SLC28A3: variants seen among roughly 807,000 people sequenced by gnomAD.
SLC28A3 encodes the protein solute carrier family 28 member 3, also known as concentrative Na(+)-nucleoside cotransporter 3.
SLC28A3 carries 68 observed loss-of-function variants against 84.2 expected under a neutral mutation model. The observed-to-expected ratio is 0.81, with a 90% CI of 0.66 to 0.99. The LOEUF (loss-of-function observed/expected upper bound fraction) is 0.99, where lower values mean the gene tolerates loss of function less well. Among genes scored for constraint, SLC28A3 ranks in the 50% least tolerant of loss-of-function variants. The pLI, the probability that SLC28A3 is intolerant of heterozygous loss-of-function variation, is 0.00. For synonymous variants in SLC28A3, 267 were observed against 303.6 expected, an observed-to-expected ratio of 0.88 and a Z score of 1.25; for missense variants, 712 against 841.5, an observed-to-expected ratio of 0.85 and a Z score of 1.90.
At chr9:84,311,763 G>A (rs1468916144) in intron 2 of SLC28A3, among the ~76,000 whole-genome samples, 1 of 152,194 alleles carries the variant, frequency 6.6e-6, no homozygotes, top group Non-Finnish European at 1.5e-5. Flanking sequence ...GGCTGAGGCA[G>A]GAGAATCACC....
the SLC28A3 span, among the ~76,000 whole-genome samples, chr9:84,350,788 T>C: frequency 6.6e-6 from 1 of 152,206 alleles, no homozygotes; most frequent in Non-Finnish European, 1.5e-5. Context: ...CTTGGCTCAC[T>C]GCAACCTCCA....
chr9:84,326,502 GA>G (rs751609488), intron 1 of SLC28A3, among the ~76,000 whole-genome samples: 2 of 152,176 alleles, frequency 1.3e-5, no homozygotes, highest in Non-Finnish European at 2.9e-5. Flanking sequence ...GAAGTTTGGG[GA>G]TATGCTTGCA....
chr9:84,330,316 C>T (rs1171561698), intron 1 of SLC28A3, among the ~76,000 whole-genome samples: 2 of 152,124 alleles, frequency 1.3e-5, no homozygotes, highest in African/African-American at 4.8e-5. Flanking sequence ...GGAGATATTA[C>T]TACTGATATT....
At chr9:84,329,472 A>G (rs1327334280) in intron 1 of SLC28A3, among the ~76,000 whole-genome samples, 1 of 152,208 alleles carries the variant, frequency 6.6e-6, no homozygotes, top group Admixed American at 6.5e-5. Flanking sequence ...GTTAGGCCCA[A>G]ACAAATCTCA....
intron 8 of SLC28A3, among the ~76,000 whole-genome samples, chr9:84,296,289 T>C (rs998597336): frequency 6.6e-6 from 1 of 152,174 alleles, no homozygotes; most frequent in African/African-American, 2.4e-5. Context: ...CTAAGTGAAA[T>C]GCTGTATAAA....
intron 1 of SLC28A3, among the ~76,000 whole-genome samples, chr9:84,336,100 C>T (rs1024404448): frequency 3.4e-5 from 5 of 147,916 alleles, no homozygotes; most frequent in Admixed American, 2.0e-4. Flanking sequence ...GCAGTTGGCT[C>T]ACACCTGTAA....
At chr9:84,362,827 G>A in the SLC28A3 span, among the ~76,000 whole-genome samples, 1 of 151,766 alleles carries the variant, frequency 6.6e-6, no homozygotes, top group Admixed American at 6.6e-5. Flanking sequence ...AGATTGCAAA[G>A]GAAAACTGCA....
chr9:84,357,118 A>C, the SLC28A3 span, among the ~76,000 whole-genome samples: 4 of 152,130 alleles, frequency 2.6e-5, no homozygotes, highest in African/African-American at 9.7e-5. Context: ...TGTTTTATTC[A>C]TTGACACAGC....
At chr9:84,292,622 C>T (rs11568414) in intron 10 of SLC28A3, 46 bp downstream of exon 10, 19 of 1,459,280 alleles carry the variant, frequency 1.3e-5, no homozygotes, top group East Asian at 1.2e-4. Flanking sequence ...TGGAAAGAGA[C>T]GATCCATTTC....
At chr9:84,358,586 G>A in the SLC28A3 span, among the ~76,000 whole-genome samples, 4,917 of 152,194 alleles carry the variant, frequency 0.032, 116 homozygotes, top group Non-Finnish European at 0.05. Flanking sequence ...TTGCTATCAC[G>A]TGCATTTACT....
chr9:84,362,447 C>T, the SLC28A3 span, among the ~76,000 whole-genome samples: 1 of 152,090 alleles, frequency 6.6e-6, no homozygotes, highest in African/African-American at 2.4e-5. Flanking sequence ...GCCTGGCCAA[C>T]ATGGTGAAAC....
upstream of SLC28A3, among the ~76,000 whole-genome samples, chr9:84,342,580 ATTTT>A (rs34749390): frequency 1.4e-5 from 2 of 143,082 alleles, no homozygotes; most frequent in Non-Finnish European, 1.5e-5. Flanking sequence ...CCATGGCTAA[ATTTT>A]TTTTTTTTTT....
At chr9:84,301,071 T>C (rs1333089713) in intron 5 of SLC28A3, among the ~76,000 whole-genome samples, 1 of 151,882 alleles carries the variant, frequency 6.6e-6, no homozygotes, top group Admixed American at 6.6e-5. Flanking sequence ...AAAAATAGGC[T>C]GGGCACAGTG....
intron 14 of SLC28A3, among the ~76,000 whole-genome samples, chr9:84,282,053 A>G (rs1228776643): frequency 1.3e-5 from 2 of 152,210 alleles, no homozygotes; most frequent in Non-Finnish European, 2.9e-5. Context: ...GAGGCAGGAG[A>G]ATCACTTGAA....
chr9:84,284,312 GT>G (rs1824890703), intron 14 of SLC28A3, among the ~76,000 whole-genome samples: 1 of 152,218 alleles, frequency 6.6e-6, no homozygotes, highest in South Asian at 2.1e-4. Flanking sequence ...AATCTACAGA[GT>G]CCCTGCTCAT....
intron 1 of SLC28A3, among the ~76,000 whole-genome samples, chr9:84,313,956 G>A (rs1826081030): frequency 6.6e-6 from 1 of 152,014 alleles, no homozygotes; most frequent in South Asian, 2.1e-4. Context: ...AGTGGTCCAG[G>A]GGAAGAGAGG....
intron 3 of SLC28A3, among the ~76,000 whole-genome samples, chr9:84,306,993 A>C (rs1483850145): frequency 7.0e-5 from 8 of 114,688 alleles, no homozygotes; most frequent in East Asian, 5.9e-4. Context: ...CCTTGTCTCT[A>C]CAAAAAAAAA....
At position 84,300,248 on chromosome 9, in the gene SLC28A3, T is replaced by C. The variant is rs146260438; in HGVS notation, c.525-523A>G. Among the ~76,000 whole-genome samples, 549 of 152,306 alleles carry C rather than the reference T, an allele frequency of 3.6e-3. 2 individuals are homozygous for C. The highest frequency in any genetic ancestry group is 5.6e-3 in the Non-Finnish European group (378 of 68,018). On this transcript the variant is annotated intron_variant, in intron 5 of 17. Coordinates refer to ENST00000376238, the MANE Select transcript of SLC28A3 (RefSeq NM_001199633.2). ...ACTGGGTCTCCTTACTCTACAACTC[T>C]TGGGCCCTTCACCTGTTCAAGGATG...
At chr9:84,350,097 GGTAA>G in the SLC28A3 span, among the ~76,000 whole-genome samples, 1 of 152,172 alleles carries the variant, frequency 6.6e-6, no homozygotes, top group African/African-American at 2.4e-5. Context: ...ATAACAAAAT[GGTAA>G]GTATTTGTGC....
Sources: gnomAD v4.1 joint callset for allele counts (sites outside exome capture counted in the v4.1 genomes callset) on GRCh38, gnomAD v4.1.1 for gene constraint, MANE v1.5 for transcripts, NCBI Gene and HGNC (gene_info 2026-07-23, HGNC 2026-07-21) for gene names.